TNIK: variants seen among roughly 807,000 people sequenced by gnomAD.
The protein encoded by TNIK is TRAF2 and NCK-interacting protein kinase.
In TNIK, 49 loss-of-function variants were observed where a neutral mutation model predicts 191.3. That is an observed-to-expected ratio of 0.26 (90% CI 0.20 to 0.32). The LOEUF (loss-of-function observed/expected upper bound fraction) is 0.32. Among genes scored for constraint, TNIK ranks in the 10% least tolerant of loss-of-function variants. TNIK has a pLI of 1.00. For synonymous variants in TNIK, 594 were observed against 600.9 expected (o/e 0.99, Z 0.17); for missense variants, 1,155 against 1,702.3 (o/e 0.68, Z 5.66).
At chr3:171,263,712 G>A (rs550764340) in intron 2 of TNIK, among the ~76,000 whole-genome samples, 1 of 151,952 alleles carries the variant, frequency 6.6e-6, no homozygotes, top group South Asian at 2.1e-4. Flanking sequence ...CAGTATTTCT[G>A]ACAAGAGCCA....
intron 2 of TNIK, among the ~76,000 whole-genome samples, chr3:171,335,256 T>C (rs1217739544): frequency 6.6e-6 from 1 of 152,058 alleles, no homozygotes; most frequent in Non-Finnish European, 1.5e-5. Flanking sequence ...AATGCATAGG[T>C]TGTTTATTAA....
chr3:171,201,469 C>G (rs2108871880), intron 4 of TNIK, among the ~76,000 whole-genome samples: 1 of 152,044 alleles, frequency 6.6e-6, no homozygotes, highest in South Asian at 2.1e-4. Flanking sequence ...GAACACAATT[C>G]TGCAAAGATT....
intron 9 of TNIK, among the ~76,000 whole-genome samples, chr3:171,169,245 AG>A (rs1734987826): frequency 6.6e-6 from 1 of 152,090 alleles, no homozygotes; most frequent in South Asian, 2.1e-4. Flanking sequence ...GCTGGCAACT[AG>A]AAGGAAGTGC....
rs960148876 is a variant in TNIK at position 171,388,882 on chromosome 3, G to A, written c.58-19197C>T. On this transcript the variant is annotated intron_variant, in intron 1 of 32. Coordinates refer to ENST00000436636, the MANE Select transcript of TNIK (RefSeq NM_015028.4). ...ACCTCTAGACTGCAAGCTACTTGAA[G>A]TACATACAGTTTTTGAATGTTATTG... Among the ~76,000 whole-genome samples the A allele has an allele frequency of 4.6e-5, 7 of 152,200 alleles. No individual in the cohort carries two copies. The East Asian group carries it at 7.7e-4, about 17-fold the overall frequency.
chr3:171,090,398 GTTC>G (rs931742804), intron 23 of TNIK, among the ~76,000 whole-genome samples: 2 of 147,956 alleles, frequency 1.4e-5, no homozygotes, highest in African/African-American at 5.0e-5. Context: ...CTTAAAAAAT[GTTC>G]TTTTTTTTCT....
chr3:171,457,517 A>C (rs1042279915), intron 1 of TNIK, among the ~76,000 whole-genome samples: 3 of 152,216 alleles, frequency 2.0e-5, no homozygotes, highest in Admixed American at 6.5e-5. Flanking sequence ...CTCAGCAGGC[A>C]GACTTTACCA....
chr3:171,201,318 G>A (rs1009006912), intron 4 of TNIK, among the ~76,000 whole-genome samples: 3 of 152,144 alleles, frequency 2.0e-5, no homozygotes, highest in Non-Finnish European at 4.4e-5. Context: ...AGAATTGCTT[G>A]AACCCAGGCT....
intron 2 of TNIK, among the ~76,000 whole-genome samples, chr3:171,364,300 T>C (rs189733132): frequency 3.9e-5 from 6 of 152,178 alleles, no homozygotes; most frequent in Non-Finnish European, 5.9e-5. Flanking sequence ...ATTTCTAGCA[T>C]AGTCTTGCTT....
At chr3:171,359,999 T>G (rs76460999) in intron 2 of TNIK, among the ~76,000 whole-genome samples, 4,671 of 152,122 alleles carry the variant, frequency 0.031, 220 homozygotes, top group African/African-American at 0.11. Flanking sequence ...CATGAGGGGG[T>G]TGTGCATCAA....
chr3:171,457,133 C>T (rs1305863507), intron 1 of TNIK, among the ~76,000 whole-genome samples: 2 of 152,218 alleles, frequency 1.3e-5, no homozygotes, highest in East Asian at 3.8e-4. Context: ...ATTCAAAGTA[C>T]CTATTTTCTA....
chr3:171,404,192 G>A (rs1721363816), intron 1 of TNIK, among the ~76,000 whole-genome samples: 1 of 152,242 alleles, frequency 6.6e-6, no homozygotes, highest in East Asian at 1.9e-4. Context: ...TTTTGACCAT[G>A]CAGTTCTTCC....
chr3:171,321,492 G>A (rs1175595568), intron 2 of TNIK, among the ~76,000 whole-genome samples: 1 of 152,158 alleles, frequency 6.6e-6, no homozygotes, highest in African/African-American at 2.4e-5. Flanking sequence ...GGCAGGCCAC[G>A]CTGTAATTTT....
At chr3:171,424,060 G>C (rs1724203004) in intron 1 of TNIK, among the ~76,000 whole-genome samples, 1 of 152,068 alleles carries the variant, frequency 6.6e-6, no homozygotes, top group Non-Finnish European at 1.5e-5. Flanking sequence ...TATAGAATGG[G>C]AGAAAATTTT....
intron 12 of TNIK, among the ~76,000 whole-genome samples, chr3:171,151,707 C>T (rs566835801): frequency 9.9e-5 from 15 of 152,174 alleles, no homozygotes; most frequent in Non-Finnish European, 1.9e-4. Context: ...ATGCTGTTAA[C>T]CAAAATACAA....
chr3:171,270,518 T>C (rs1748960011), intron 2 of TNIK, among the ~76,000 whole-genome samples: 1 of 152,204 alleles, frequency 6.6e-6, no homozygotes, highest in South Asian at 2.1e-4. Flanking sequence ...CCCACCTAAA[T>C]ATCACACCAG....
intron 22 of TNIK, 65 bp downstream of exon 22, chr3:171,101,384 T>A (rs1426798608): frequency 6.6e-7 from 1 of 1,507,592 alleles, no homozygotes; most frequent in Non-Finnish European, 8.9e-7. Flanking sequence ...ACTCATATTT[T>A]TTTGTCCTTT....
At position 171,382,840 on chromosome 3, in the gene TNIK, C is replaced by T. The variant is rs76289505; in HGVS notation, c.58-13155G>A. On this transcript the variant is annotated intron_variant, in intron 1 of 32. Coordinates refer to ENST00000436636, the MANE Select transcript of TNIK (RefSeq NM_015028.4). ...TAAAGCCTCTAAGAGTGTTCATTAC[C>T]ATATCCTATCCTACTCTACTCTGAC... Among the ~76,000 whole-genome samples the T allele has an allele frequency of 2.8e-4, 42 of 152,204 alleles. No homozygotes were observed. The East Asian group carries it at 6.4e-3, about 23-fold the overall frequency.
At chr3:171,450,606 T>C (rs909370877) in intron 1 of TNIK, among the ~76,000 whole-genome samples, 1 of 152,184 alleles carries the variant, frequency 6.6e-6, no homozygotes, top group African/African-American at 2.4e-5. Flanking sequence ...TAAGTAGATA[T>C]ATAGACAAAG....
intron 8 of TNIK, among the ~76,000 whole-genome samples, chr3:171,176,994 A>G (rs1237099534): frequency 6.6e-6 from 1 of 152,226 alleles, no homozygotes; most frequent in Non-Finnish European, 1.5e-5. Flanking sequence ...ATTGGAGTTT[A>G]TAGTCTTGTG....
Sources: allele counts gnomAD v4.1 joint callset (sites outside exome capture counted in the v4.1 genomes callset), GRCh38; gene constraint gnomAD v4.1.1; transcripts MANE v1.5; gene names NCBI Gene and HGNC (gene_info 2026-07-23, HGNC 2026-07-21).